The following RDH16 variants were observed in gnomAD, a reference collection of about 807,000 sequenced individuals.
RDH16 encodes the protein human epidermal retinol dehydrogenase.
RDH16 carries 25 observed loss-of-function variants against 22.3 expected under a neutral mutation model. The ratio of observed to expected loss-of-function variants is 1.12; its 90% CI spans 0.82 to 1.56. The LOEUF (loss-of-function observed/expected upper bound fraction) is 1.56. RDH16 is among the 40% of genes most tolerant of loss of function. The pLI is 0.00. For synonymous variants in RDH16, 154 were observed against 164.4 expected, an observed-to-expected ratio of 0.94 and a Z score of 0.48; for missense variants, 413 against 394.9, an observed-to-expected ratio of 1.05 and a Z score of -0.39.
intron 3 of RDH16, 34 bp downstream of exon 3, chr12:56,952,793 T>G: frequency 6.3e-7 from 1 of 1,595,374 alleles, no homozygotes; most frequent in Non-Finnish European, 8.5e-7. Context: ...ACACGAGGGT[T>G]TGCTTCTCTC....
chr12:56,952,171 G>C lies in RDH16; in HGVS notation c.812C>G (p.Ala271Gly). The stretch of plus-strand genomic sequence containing the variant: ...AGTACGGGGGTGGCAGGCAATCAGC[G>C]CATGCTCCATGCAGTTGGTCACCAA... ...LSLVTNCMEH[A>G]LIACHPRTRY... Residue 271 changes from alanine (A) to glycine (G), a missense_variant, in exon 4 of 4, where the codon GCG (alanine) becomes GGG (glycine). Transcript: ENST00000398138. The C allele has an allele frequency of 6.2e-7, 1 of 1,614,132 alleles. No individual in the cohort carries two copies. The highest frequency in any genetic ancestry group is 8.5e-7 in the Non-Finnish European group (1 of 1,180,010).
Position 56,951,560 on chromosome 12 carries a change from C to A in RDH16, c.*469G>T, listed in dbSNP as rs776397952. ...GGCCGCATAATGGTTCCAGTCCCAACACCACGTGTACAGGGATCTTCAGAG... is the reference window on the plus strand; with the variant it reads ...GGCCGCATAATGGTTCCAGTCCCAAAACCACGTGTACAGGGATCTTCAGAG... On this transcript the variant is annotated 3_prime_UTR_variant, in exon 4 of 4. Transcript: ENST00000398138. 1 of 193,288 alleles carries A rather than the reference C, an allele frequency of 5.2e-6. No individual in the cohort carries two copies. Among genetic ancestry groups the A allele is most frequent in the Non-Finnish European group, 1.1e-5 (1 of 91,728 alleles). 12.0% of individuals were successfully genotyped at this position (193,288 alleles called of 1,614,324 possible). A position where few individuals can be genotyped will look rare whatever the true frequency, so the allele number is the denominator to read the frequency against.
chr12:56,953,703 T>C (rs886965972), intron 2 of RDH16, among the ~76,000 whole-genome samples: 1 of 152,168 alleles, frequency 6.6e-6, no homozygotes, highest in Non-Finnish European at 1.5e-5. Context: ...TTCCTTCATC[T>C]AGGAGCCTTT....
In RDH16 at chr12:56,957,321, G is replaced by C. The variant is rs796932430; in HGVS notation, c.142C>G (p.Gln48Glu). 1.2e-6 allele frequency: 2 copies of C among 1,614,178 alleles called. No homozygotes were observed. The highest frequency in any genetic ancestry group is 2.2e-5 in the South Asian group (2 of 91,076). Residue 48 changes from glutamine (Q) to glutamate (E), a missense_variant, in exon 1 of 4, where the codon CAG (glutamine) becomes GAG (glutamate). Coordinates refer to ENST00000398138, the MANE Select transcript of RDH16 (RefSeq NM_003708.5). ...ACCCGCAAGCCTCGTGCATCCAGCT[G>C]TCTGGCCAGCAGTTTCCCGAAGCCA... ...DSGFGKLLAR[Q>E]LDARGLRVLA...
rs1472405704 is a variant in RDH16, at chr12:56,952,832, G to A, written c.731C>T (p.Ala244Val). ...ACTGTCCACAGCTTACTCACAGTCT[G>A]CAACAAACTTCTCGCCATAGGCCTC... ...VKEAYGEKFV[A>V]DYKKSAEQME... Residue 244 changes from alanine (A) to valine (V), a missense_variant, in exon 3 of 4, where the codon GCA becomes GTA. By Grantham distance (64) the Ala-to-Val change is moderately conservative. Transcript: ENST00000398138. The A allele has an allele frequency of 1.5e-5, 24 of 1,612,636 alleles. No individual in the cohort carries two copies. Among genetic ancestry groups the A allele is most frequent in the Non-Finnish European group, 2.0e-5 (24 of 1,179,388 alleles).
At chr12:56,956,208 A>C (rs142082641) in intron 1 of RDH16, among the ~76,000 whole-genome samples, 4 of 152,338 alleles carry the variant, frequency 2.6e-5, no homozygotes, top group African/African-American at 9.6e-5. Flanking sequence ...GGCAAATAAA[A>C]GTCCACCAAG....
At position 56,951,940 on chromosome 12, in the gene RDH16, T is replaced by C; in HGVS notation, c.*89A>G. Reference sequence around the variant, plus strand: ...ATTGGTGCCCTACTGACCGGACGGCTCCCTCCCTCCACTTTATATCTCTCC... The same window carrying C: ...ATTGGTGCCCTACTGACCGGACGGCCCCCTCCCTCCACTTTATATCTCTCC... On this transcript the variant is annotated 3_prime_UTR_variant, in exon 4 of 4. Transcript: ENST00000398138. 1 of 1,148,378 alleles carries C rather than the reference T, an allele frequency of 8.7e-7. No homozygotes were observed. Among genetic ancestry groups the C allele is most frequent in the Non-Finnish European group, 1.3e-6 (1 of 782,230 alleles). 71.1% of individuals were successfully genotyped at this position (1,148,378 alleles called of 1,614,324 possible).
Position 56,955,106 on chromosome 12 carries a change from C to A in RDH16, c.372G>T (p.Leu124Phe), listed in dbSNP as rs1381239449. 1 of 1,614,116 alleles carries A rather than the reference C, an allele frequency of 6.2e-7. No homozygotes were observed. Among genetic ancestry groups the A allele is most frequent in the African/African-American group, 1.3e-5 (1 of 75,032 alleles). ...GISLPTAPNE[L>F]LTKQDFVTIL... ...TGGTCACGAAGTCCTGCTTGGTGAG[C>A]AACTCATTGGGAGCCGTGGGCAAGG... is the stretch of plus-strand genomic sequence containing the variant. The change falls in exon 2 of 4, where the codon TTG (leucine) becomes TTT (phenylalanine). Residue 124 changes from leucine (L) to phenylalanine (F), a missense_variant. By Grantham distance (22) the Leu-to-Phe change is conservative (BLOSUM62 0). Coordinates refer to ENST00000398138, the MANE Select transcript of RDH16 (RefSeq NM_003708.5).
chr12:56,952,919 C>A lies in RDH16; in HGVS notation c.644G>T (p.Ser215Ile). The A allele has an allele frequency of 6.2e-7, 1 of 1,614,110 alleles. No individual in the cohort carries two copies. The highest frequency in any genetic ancestry group is 8.5e-7 in the Non-Finnish European group (1 of 1,180,014). ...GAAGCTCTTTAAGAATCTCTCCTTA[C>A]TGGTCACAGCAGTCTTGAAATAGCC... ...EPGYFKTAVT[S>I]KERFLKSFLE... is the part of the protein sequence containing the mutation. The change falls in exon 3 of 4, where the codon AGT becomes ATT. Residue 215 changes from serine to isoleucine, a missense_variant. Physicochemically the swap from Ser to Ile is moderately radical, Grantham distance 142 (BLOSUM62 -2). Transcript: ENST00000398138.
chr12:56,956,464 T>C (rs749603836), intron 1 of RDH16, among the ~76,000 whole-genome samples: 1 of 152,212 alleles, frequency 6.6e-6, no homozygotes, highest in East Asian at 1.9e-4. Context: ...TGGATGACAA[T>C]TTCAGGGAAA....
chr12:56,954,954 C>T lies in RDH16; in HGVS notation c.524G>A (p.Gly175Asp). The change falls in exon 2 of 4, where the codon GGC (glycine) becomes GAC (aspartate). Residue 175 changes from glycine (G) to aspartate (D), a missense_variant. Gly to Asp is a moderately conservative substitution (Grantham distance 94, BLOSUM62 -1). Coordinates refer to ENST00000398138, the MANE Select transcript of RDH16 (RefSeq NM_003708.5). ...VMGRVSLFGG[G>D]YCISKYGVEA... ...CACGCCATACTTGGAGATGCAGTAG[C>T]CTCCACCAAAAAGTGACACCCGGCC... 6.2e-7 allele frequency: 1 copy of T among 1,614,180 alleles called. No individual in the cohort carries two copies. Among genetic ancestry groups the T allele is most frequent in the East Asian group, 2.2e-5 (1 of 44,876 alleles).
intron 2 of RDH16, 67 bp from the exon 3 acceptor site, chr12:56,953,057 A>G: frequency 7.1e-7 from 1 of 1,412,212 alleles, no homozygotes; most frequent in Non-Finnish European, 9.7e-7. Context: ...AAACAATAAA[A>G]GTAAAACTAT....
In RDH16 at chr12:56,951,907, G is replaced by A; in HGVS notation, c.*122C>T. ...GAATCATGGCCAGGAGGTAATGAAG[G>A]AGGTGGGATTGGTGCCCTACTGACC... On this transcript the variant is annotated 3_prime_UTR_variant, in exon 4 of 4. Transcript: ENST00000398138. 4 of 700,270 alleles carry A rather than the reference G, an allele frequency of 5.7e-6. No individual in the cohort carries two copies. The highest frequency in any genetic ancestry group is 9.9e-6 in the Non-Finnish European group (4 of 404,974). 43.4% of individuals were successfully genotyped at this position (700,270 alleles called of 1,614,324 possible). A position where few individuals can be genotyped will look rare whatever the true frequency, so the allele number is the denominator to read the frequency against.
intron 1 of RDH16, 111 bp from the exon 2 acceptor site, chr12:56,955,275 G>A: frequency 7.6e-7 from 1 of 1,316,266 alleles, no homozygotes; most frequent in Non-Finnish European, 1.0e-6. Context: ...ACAGGTGTGG[G>A]ATGGGGAGGA....
In RDH16 at chr12:56,955,125, G is replaced by A; in HGVS notation, c.353C>T (p.Pro118Leu). 6.2e-7 allele frequency: 1 copy of A among 1,614,118 alleles called. No homozygotes were observed. Among genetic ancestry groups the A allele is most frequent in the Middle Eastern group, 1.6e-4 (1 of 6,062 alleles). The change falls in exon 2 of 4, where the codon CCC becomes CTC. Residue 118 changes from proline (P) to leucine (L), a missense_variant. Physicochemically the swap from Pro to Leu is moderately conservative, Grantham distance 98 (BLOSUM62 -3). Transcript: ENST00000398138. ...GGTGAGCAACTCATTGGGAGCCGTG[G>A]GCAAGGAGATGCCAGCATTATTCAC... Reference protein sequence around the residue: ...GLVNNAGISLPTAPNELLTKQ... With the variant: ...GLVNNAGISLLTAPNELLTKQ...
At position 56,957,184 on chromosome 12, in the gene RDH16, G is replaced by A. The variant is rs772544073; in HGVS notation, c.279C>T (p.Ala93=). ...DVTKTESVAA[A]AQWVKECVRD... is the part of the protein sequence containing the mutation. ...TCACGCACTCCTTCACCCACTGGGC[G>A]GCTGCAGCAACGCTCTCTGTCTTGG... Residue 93 remains alanine, a synonymous_variant, in exon 1 of 4, where the codon GCC becomes GCT. Coordinates refer to ENST00000398138, the MANE Select transcript of RDH16 (RefSeq NM_003708.5). 2.5e-5 allele frequency: 40 copies of A among 1,613,224 alleles called. No individual in the cohort carries two copies. Among genetic ancestry groups the A allele is most frequent in the African/African-American group, 2.1e-4 (16 of 74,876 alleles).
intron 3 of RDH16, 80 bp from the exon 4 acceptor site, chr12:56,952,326 G>A (rs1955889236): frequency 6.0e-6 from 8 of 1,340,800 alleles, no homozygotes; most frequent in Non-Finnish European, 8.3e-6. Context: ...AGTGGAAAGG[G>A]TCTAAGAACT....
chr12:56,956,849 C>T (rs1248989172), intron 1 of RDH16, among the ~76,000 whole-genome samples: 2 of 152,116 alleles, frequency 1.3e-5, no homozygotes, highest in Admixed American at 1.3e-4. Context: ...CTAACCCAGG[C>T]TCTTAGCATC....
chr12:56,956,042 C>T (rs962684738), intron 1 of RDH16, among the ~76,000 whole-genome samples: 1 of 152,144 alleles, frequency 6.6e-6, no homozygotes, highest in Non-Finnish European at 1.5e-5. Context: ...TGAGTCCAGG[C>T]AGGGGGTGGC....
Sources: allele counts gnomAD v4.1 joint callset (sites outside exome capture counted in the v4.1 genomes callset), GRCh38; gene constraint gnomAD v4.1.1; transcripts MANE v1.5; gene names NCBI Gene and HGNC (gene_info 2026-07-23, HGNC 2026-07-21).